The following HAPLN1 variants were observed in gnomAD, a reference collection of about 807,000 sequenced individuals.
HAPLN1 encodes the protein Cartilage link protein.
A neutral mutation model predicts 36.5 loss-of-function variants in HAPLN1; 13 were observed. That is an observed-to-expected ratio of 0.36 (90% CI 0.23 to 0.57). HAPLN1 has a LOEUF of 0.57. HAPLN1 is among the 20% of genes least tolerant of loss of function. The pLI, the probability that HAPLN1 is intolerant of heterozygous loss-of-function variation, is 0.83. For missense variants in HAPLN1, 407 were observed against 439.7 expected, an observed-to-expected ratio of 0.93 and a Z score of 0.66; for synonymous variants, 202 against 169.8, an observed-to-expected ratio of 1.19 and a Z score of -1.48.
chr5:83,702,510 G>A (rs974336247), intron 1 of HAPLN1, among the ~76,000 whole-genome samples: 2 of 152,124 alleles, frequency 1.3e-5, no homozygotes, highest in African/African-American at 4.8e-5. Context: ...CAGGGAGCTA[G>A]GCACACTGAT....
chr5:83,658,371 G>A (rs1750280754), intron 2 of HAPLN1, among the ~76,000 whole-genome samples: 1 of 152,132 alleles, frequency 6.6e-6, no homozygotes, highest in Admixed American at 6.5e-5. Context: ...TGCAATAAGT[G>A]TCTATGACTG....
intron 1 of HAPLN1, among the ~76,000 whole-genome samples, chr5:83,698,118 T>A (rs978875148): frequency 1.3e-5 from 2 of 152,140 alleles, no homozygotes; most frequent in African/African-American, 4.8e-5. Flanking sequence ...TACACCTATG[T>A]TGTCTTCAAA....
intron 1 of HAPLN1, chr5:83,673,870 C>G: frequency 4.5e-6 from 1 of 219,852 alleles, no homozygotes; most frequent in Non-Finnish European, 8.8e-6. Flanking sequence ...CATACACACT[C>G]TTAAAAAAAT....
At chr5:83,667,930 T>C (rs1459136705) in intron 2 of HAPLN1, among the ~76,000 whole-genome samples, 2 of 152,228 alleles carry the variant, frequency 1.3e-5, no homozygotes, top group East Asian at 3.8e-4. Flanking sequence ...GTGGGAGCCA[T>C]GCACAAGACC....
chr5:83,674,798 A>G (rs1750822569), intron 1 of HAPLN1: 1 of 152,192 alleles, frequency 6.6e-6, no homozygotes, highest in Non-Finnish European at 1.5e-5. Flanking sequence ...CTACTCCAGA[A>G]CCTAATTCAC....
chr5:83,688,481 G>A (rs894224412), intron 1 of HAPLN1, among the ~76,000 whole-genome samples: 9 of 152,036 alleles, frequency 5.9e-5, no homozygotes, highest in African/African-American at 1.9e-4. Flanking sequence ...ATTCTCAGTC[G>A]TAAAATGAAG....
chr5:83,672,986 T>C (rs1164123773), intron 2 of HAPLN1, among the ~76,000 whole-genome samples: 2 of 152,248 alleles, frequency 1.3e-5, no homozygotes, highest in East Asian at 3.8e-4. Context: ...TAGGGTAAAC[T>C]ACTTTTTCCT....
chr5:83,697,303 T>C (rs1751410938), intron 1 of HAPLN1, among the ~76,000 whole-genome samples: 1 of 152,174 alleles, frequency 6.6e-6, no homozygotes, highest in East Asian at 1.9e-4. Flanking sequence ...TTGTGGTCCT[T>C]TTATGCCTGG....
Position 83,661,435 on chromosome 5 carries a change from C to CTTTTTTTTTT in HAPLN1, c.101-8621_101-8612dup, listed in dbSNP as rs56005008. ...CAATGGTGGTCTGTGAGAAAAGCTT[C>CTTTTTTTTTT]TTTTTTTTTTTTTTTTTTTTTTTTT... is the stretch of plus-strand genomic sequence containing the variant. On this transcript the variant is annotated intron_variant, in intron 2 of 4. Transcript: ENST00000274341. Among the ~76,000 whole-genome samples, 181 of 62,976 alleles carry CTTTTTTTTTT rather than the reference C, an allele frequency of 2.9e-3. 23 individuals are homozygous for CTTTTTTTTTT. Among genetic ancestry groups the CTTTTTTTTTT allele is most frequent in the African/African-American group, 0.011 (166 of 14,850 alleles). 41.3% of individuals were successfully genotyped at this position (62,976 alleles called of 152,430 possible).
chr5:83,691,526 A>T (rs1338161399), intron 1 of HAPLN1, among the ~76,000 whole-genome samples: 1 of 152,038 alleles, frequency 6.6e-6, no homozygotes, highest in Non-Finnish European at 1.5e-5. Flanking sequence ...GGGAAAAGTA[A>T]TACTAAACTT....
Position 83,644,354 on chromosome 5 carries a change from T to C in HAPLN1, c.775+9A>G. ...GATAGGAAAGAAGGCAGTACAGTTA[T>C]TATCTTACCATTGAAATTGGATGTA... On this transcript the variant is annotated intron_variant, in intron 4 of 4. Coordinates refer to ENST00000274341, the MANE Select transcript of HAPLN1 (RefSeq NM_001884.4). 1 of 1,540,892 alleles carries C rather than the reference T, an allele frequency of 6.5e-7. No homozygotes were observed. Among genetic ancestry groups the C allele is most frequent in the Non-Finnish European group, 8.8e-7 (1 of 1,141,810 alleles).
At chr5:83,717,074 C>A (rs1467424630) in intron 1 of HAPLN1, among the ~76,000 whole-genome samples, 1 of 152,048 alleles carries the variant, frequency 6.6e-6, no homozygotes, top group Non-Finnish European at 1.5e-5. Flanking sequence ...GATTAAACTT[C>A]TACTTTAAGG....
intron 1 of HAPLN1, among the ~76,000 whole-genome samples, chr5:83,682,151 C>T (rs1481645166): frequency 6.6e-6 from 1 of 152,170 alleles, no homozygotes; most frequent in Non-Finnish European, 1.5e-5. Context: ...GTCAGTTAAA[C>T]ATTTCATTAA....
chr5:83,673,396 T>C, intron 2 of HAPLN1, 28 bp downstream of exon 2: 1 of 1,464,044 alleles, frequency 6.8e-7, no homozygotes, highest in Non-Finnish European at 9.4e-7. Context: ...TTAATTAGGC[T>C]TTGATAAGAG....
At chr5:83,700,540 C>T (rs770737426) in intron 1 of HAPLN1, among the ~76,000 whole-genome samples, 54 of 151,782 alleles carry the variant, frequency 3.6e-4, no homozygotes, top group Middle Eastern at 3.2e-3. Context: ...GAAAAAATTG[C>T]CAAGAATACA....
chr5:83,715,620 T>C (rs912694941), intron 1 of HAPLN1, among the ~76,000 whole-genome samples: 1 of 152,170 alleles, frequency 6.6e-6, no homozygotes, highest in Non-Finnish European at 1.5e-5. Flanking sequence ...TTCATACTGG[T>C]GGACAACAAT....
chr5:83,714,807 C>T (rs1306986071), intron 1 of HAPLN1, among the ~76,000 whole-genome samples: 1 of 152,212 alleles, frequency 6.6e-6, no homozygotes, highest in Non-Finnish European at 1.5e-5. Context: ...TATGGATGCG[C>T]TACCTGTCCA....
chr5:83,717,344 CCTT>C (rs1751938678), intron 1 of HAPLN1, among the ~76,000 whole-genome samples: 1 of 152,150 alleles, frequency 6.6e-6, no homozygotes, highest in African/African-American at 2.4e-5. Flanking sequence ...GAGCGGGTCT[CCTT>C]CTTTCACTGT....
At chr5:83,641,925 T>G (rs1387821631) in intron 4 of HAPLN1, 140 bp from the exon 5 acceptor site, 2 of 842,070 alleles carry the variant, frequency 2.4e-6, no homozygotes, top group Non-Finnish European at 3.7e-6. Flanking sequence ...CATAGAAATG[T>G]CAATTAAATA....
Sources: allele counts gnomAD v4.1 joint callset (sites outside exome capture counted in the v4.1 genomes callset), GRCh38; gene constraint gnomAD v4.1.1; transcripts MANE v1.5; gene names NCBI Gene and HGNC (gene_info 2026-07-23, HGNC 2026-07-21).